ESM1: variants seen among roughly 807,000 people sequenced by gnomAD.
ESM1 encodes the protein endothelial cell specific molecule 1.
ESM1 carries 7 observed loss-of-function variants against 14.9 expected under a neutral mutation model. That is an observed-to-expected ratio of 0.47 (90% CI 0.27 to 0.88). The LOEUF (loss-of-function observed/expected upper bound fraction) is 0.88. Among genes scored for constraint, ESM1 ranks in the 40% least tolerant of loss-of-function variants. The probability of loss-of-function intolerance (pLI) is 0.14; values close to 1 mark genes in which losing one functional copy is unlikely to be tolerated. For missense variants in ESM1, 192 were observed against 237.9 expected, an observed-to-expected ratio of 0.81 and a Z score of 1.27; for synonymous variants, 89 against 89.4, an observed-to-expected ratio of 1.00 and a Z score of 0.02.
intron 2 of ESM1, among the ~76,000 whole-genome samples, chr5:54,980,288 C>T (rs1026048991): frequency 2.0e-5 from 3 of 152,184 alleles, no homozygotes; most frequent in Non-Finnish European, 2.9e-5. Flanking sequence ...CAAGCTCGTG[C>T]TCTGGGGGTC....
intron 2 of ESM1, among the ~76,000 whole-genome samples, 165 bp downstream of exon 2, chr5:54,981,832 C>G (rs2112249286): frequency 6.6e-6 from 1 of 152,256 alleles, no homozygotes; most frequent in South Asian, 2.1e-4. Context: ...TTTTAGAAAA[C>G]AGCAACAGCA....
rs1044104485 is a variant in ESM1 at position 54,985,579 on chromosome 5, T to C, written c.-62A>G. 12 of 1,466,196 alleles carry C rather than the reference T, an allele frequency of 8.2e-6. No homozygotes were observed. The highest frequency in any genetic ancestry group is 9.2e-6 in the Non-Finnish European group (10 of 1,081,936). The allele number at this position is 1,466,196 out of a possible 1,614,324, so 90.8% of individuals were successfully genotyped here. A position where few individuals can be genotyped will look rare whatever the true frequency, so the allele number is the denominator to read the frequency against. Reference sequence around the variant, plus strand: ...GGTCTTTGCTGGTGGGAAGCAGCCGTCCAAACTGGTAGCTGAGCCTCTGCC... The same window carrying C: ...GGTCTTTGCTGGTGGGAAGCAGCCGCCCAAACTGGTAGCTGAGCCTCTGCC... On this transcript the variant is annotated 5_prime_UTR_variant, in exon 1 of 3. Coordinates refer to ENST00000381405, the MANE Select transcript of ESM1 (RefSeq NM_007036.5).
chr5:54,979,577 C>T (rs1744011534), intron 2 of ESM1, 142 bp from the exon 3 acceptor site: 1 of 631,574 alleles, frequency 1.6e-6, no homozygotes, highest in Non-Finnish European at 2.8e-6. Flanking sequence ...ATTCACTGCT[C>T]TATATCAGTG....
intron 1 of ESM1, among the ~76,000 whole-genome samples, chr5:54,983,080 G>C (rs1357647650): frequency 1.3e-5 from 2 of 152,126 alleles, no homozygotes; most frequent in Admixed American, 6.5e-5. Flanking sequence ...TCACAGGTGG[G>C]TAAAGAACAA....
intron 2 of ESM1, among the ~76,000 whole-genome samples, chr5:54,981,463 T>C (rs967939092): frequency 6.6e-6 from 1 of 152,200 alleles, no homozygotes; most frequent in Non-Finnish European, 1.5e-5. Flanking sequence ...TTCAATCACA[T>C]ACTATTTCTT....
At chr5:54,983,189 CT>C (rs1259427090) in intron 1 of ESM1, among the ~76,000 whole-genome samples, 2 of 152,106 alleles carry the variant, frequency 1.3e-5, no homozygotes, top group African/African-American at 4.8e-5. Flanking sequence ...TATGAGTGCT[CT>C]TTTCAATATG....
chr5:54,982,347 T>C (rs1309669662), intron 1 of ESM1, among the ~76,000 whole-genome samples: 1 of 152,170 alleles, frequency 6.6e-6, no homozygotes, highest in East Asian at 1.9e-4. Context: ...GAACAGATAA[T>C]GGATGCCTCG....
chr5:54,983,371 C>G (rs1028522121), intron 1 of ESM1, among the ~76,000 whole-genome samples: 12 of 152,238 alleles, frequency 7.9e-5, no homozygotes, highest in Non-Finnish European at 1.0e-4. Context: ...CCCAGAGATA[C>G]TTCTAGTGTA....
In ESM1 at chr5:54,979,159, G is replaced by C. The variant is rs1450384144; in HGVS notation, c.*173C>G. 1 of 589,574 alleles carries C rather than the reference G, an allele frequency of 1.7e-6. No homozygotes were observed. Among genetic ancestry groups the C allele is most frequent in the Non-Finnish European group, 3.0e-6 (1 of 328,136 alleles). The allele number at this position is 589,574 out of a possible 1,614,324, so 36.5% of individuals were successfully genotyped here. A position where few individuals can be genotyped will look rare whatever the true frequency, so the allele number is the denominator to read the frequency against. Reference sequence around the variant, plus strand: ...AACACATACAAGTGTTCAGTCATATGGATGTTATGGATTGTAAGTATCCTA... The same window carrying C: ...AACACATACAAGTGTTCAGTCATATCGATGTTATGGATTGTAAGTATCCTA... On this transcript the variant is annotated 3_prime_UTR_variant, in exon 3 of 3. Transcript: ENST00000381405.
At position 54,985,297 on chromosome 5, in the gene ESM1, C is replaced by G; in HGVS notation, c.221G>C (p.Gly74Ala). ...TCYRTVSGMD[G>A]MKCGPGLRCQ... ...CCTCAGCCCCGGGCCACACTTCATG[C>G]CATCCATGCCTGAGACTGTGCGGTA... Residue 74 changes from glycine to alanine, a missense_variant, in exon 1 of 3, where the codon GGC becomes GCC. Physicochemically the swap from Gly to Ala is moderately conservative, Grantham distance 60. Transcript: ENST00000381405. 2 of 1,614,214 alleles carry G rather than the reference C, an allele frequency of 1.2e-6. No individual in the cohort carries two copies. The highest frequency in any genetic ancestry group is 1.7e-6 in the Non-Finnish European group (2 of 1,180,038).
rs1744008777 is a variant in ESM1 at position 54,979,435 on chromosome 5, T to C, written c.452A>G (p.Glu151Gly). The C allele has an allele frequency of 6.3e-7, 1 of 1,598,480 alleles. No individual in the cohort carries two copies. Among genetic ancestry groups the C allele is most frequent in the South Asian group, 1.1e-5 (1 of 90,706 alleles). ...KSSNRFVSLT[E>G]HDMASGDGNI... is the part of the protein sequence containing the mutation. ...GCCATCTCCAGATGCCATGTCATGC[T>C]CTGAAAGTAGACGGAATACAAATCA... The change falls in exon 3 of 3, where the codon GAG (glutamate) becomes GGG (glycine). Residue 151 changes from glutamate to glycine, a missense_variant and splice_region_variant. Glu to Gly is a moderately conservative substitution (Grantham distance 98). Transcript: ENST00000381405.
intron 1 of ESM1, 140 bp from the exon 2 acceptor site, chr5:54,982,286 C>T: frequency 2.6e-6 from 2 of 781,176 alleles, no homozygotes; most frequent in Non-Finnish European, 3.9e-6. Context: ...TCTCCAAACC[C>T]AGGATTTGAA....
At chr5:54,980,084 A>G (rs2112247094) in intron 2 of ESM1, among the ~76,000 whole-genome samples, 1 of 152,350 alleles carries the variant, frequency 6.6e-6, no homozygotes, top group East Asian at 1.9e-4. Context: ...AGCGTGGCCC[A>G]GCAGACGAAT....
At chr5:54,981,119 A>G (rs1828183) in intron 2 of ESM1, among the ~76,000 whole-genome samples, 100,349 of 152,038 alleles carry the variant, frequency 0.66, 34,915 homozygotes, top group African/African-American at 0.89. Flanking sequence ...ACTCAAACTA[A>G]GTAGCATATC....
rs1351514079 is a variant in ESM1, at chr5:54,979,072, A to G, written c.*260T>C. On this transcript the variant is annotated 3_prime_UTR_variant, in exon 3 of 3. Transcript: ENST00000381405. The stretch of plus-strand genomic sequence containing the variant: ...GTAAGATTACCTAAATTGCATTTTT[A>G]GTTCTTCAGTGTTACTATACACACA... 3 of 344,488 alleles carry G rather than the reference A, an allele frequency of 8.7e-6. No individual in the cohort carries two copies. In the Admixed American group the frequency reaches 1.4e-4, roughly 16 times the overall value. 21.3% of individuals were successfully genotyped at this position (344,488 alleles called of 1,614,324 possible).
chr5:54,979,104 A>G lies in ESM1; in HGVS notation c.*228T>C, dbSNP rs925189015. On this transcript the variant is annotated 3_prime_UTR_variant, in exon 3 of 3. Coordinates refer to ENST00000381405, the MANE Select transcript of ESM1 (RefSeq NM_007036.5). ...CAGTGTTACTATACACACACATTTA[A>G]CAAATCTACATGCATTCGAATATTT... is the stretch of plus-strand genomic sequence containing the variant. 4.2e-6 allele frequency: 2 copies of G among 478,116 alleles called. No individual in the cohort carries two copies. Among genetic ancestry groups the G allele is most frequent in the Admixed American group, 7.5e-5 (2 of 26,510 alleles). The allele number at this position is 478,116 out of a possible 1,614,324, so 29.6% of individuals were successfully genotyped here.
chr5:54,984,198 T>A (rs1361802805), intron 1 of ESM1, among the ~76,000 whole-genome samples: 4 of 151,958 alleles, frequency 2.6e-5, no homozygotes, highest in African/African-American at 7.3e-5. Context: ...ATAAATATTA[T>A]TCATAAAAAA....
rs1744002395 is a variant in ESM1, at chr5:54,979,245, T to C, written c.*87A>G. On this transcript the variant is annotated 3_prime_UTR_variant, in exon 3 of 3. Coordinates refer to ENST00000381405, the MANE Select transcript of ESM1 (RefSeq NM_007036.5). ...GGTCTTCAAAAATTACATGTCCTTA[T>C]GCTATAATCTAGAAAGTTCCTAAAA... The C allele has an allele frequency of 2.1e-6, 2 of 954,000 alleles. No homozygotes were observed. Among genetic ancestry groups the C allele is most frequent in the Non-Finnish European group, 1.7e-6 (1 of 597,094 alleles). 59.1% of individuals were successfully genotyped at this position (954,000 alleles called of 1,614,324 possible). A position where few individuals can be genotyped will look rare whatever the true frequency, so the allele number is the denominator to read the frequency against.
In ESM1 at chr5:54,985,073, A is replaced by T. The variant is rs1341647631; in HGVS notation, c.301+144T>A. ...TGGAGCTATCCTTCAGTCTCTACCC[A>T]TGACAATACCTGTGTGGTGCCTTGT... is the stretch of plus-strand genomic sequence containing the variant. On this transcript the variant is annotated intron_variant, in intron 1 of 2. Transcript: ENST00000381405. The T allele has an allele frequency of 7.2e-5, 52 of 722,830 alleles. 1 individual carries two copies. In the East Asian group the frequency reaches 1.2e-3, roughly 17 times the overall value. 44.8% of individuals were successfully genotyped at this position (722,830 alleles called of 1,614,324 possible).
Sources: allele counts gnomAD v4.1 joint callset (sites outside exome capture counted in the v4.1 genomes callset), GRCh38; gene constraint gnomAD v4.1.1; transcripts MANE v1.5; gene names NCBI Gene and HGNC (gene_info 2026-07-23, HGNC 2026-07-21).